The following SMC3 variants were observed in gnomAD, a reference collection of about 807,000 sequenced individuals.
The protein encoded by SMC3 is structural maintenance of chromosomes protein 3.
SMC3 carries 20 observed loss-of-function variants against 171.8 expected under a neutral mutation model. The ratio of observed to expected loss-of-function variants is 0.12; its 90% CI spans 0.08 to 0.17. The LOEUF (loss-of-function observed/expected upper bound fraction) is 0.17, where lower values mean the gene tolerates loss of function less well. Ranked by LOEUF, SMC3 falls within the 10% of genes least tolerant of loss-of-function variation. SMC3 has a pLI of 1.00. For missense variants in SMC3, 543 were observed against 1,420.4 expected, an observed-to-expected ratio of 0.38 and a Z score of 9.93; for synonymous variants, 464 against 451.1, an observed-to-expected ratio of 1.03 and a Z score of -0.36.
intron 28 of SMC3, 92 bp from the exon 29 acceptor site, chr10:110,604,129 AAAATGTAGTT>A (rs1057476172): frequency 6.1e-6 from 4 of 652,934 alleles, no homozygotes; most frequent in Middle Eastern, 3.7e-4. Flanking sequence ...TAAAAATTAA[AAAATGTAGTT>A]AAATGTAGTT....
chr10:110,570,285 G>A (rs145086597), intron 2 of SMC3, among the ~76,000 whole-genome samples: 3 of 152,338 alleles, frequency 2.0e-5, no homozygotes, highest in Middle Eastern at 3.4e-3. Flanking sequence ...TCTGTGGTGC[G>A]TGGGTGAGAT....
rs1486969377 is a variant in SMC3 at position 110,604,794 on chromosome 10, T to G, written c.*492T>G. ...TATTGAGGGTTAGGACTTCAACATG[T>G]GAGTTTGGGAAGGGAAGCACAAAAT... On this transcript the variant is annotated 3_prime_UTR_variant, in exon 29 of 29. Transcript: ENST00000361804. 6.6e-6 allele frequency among the ~76,000 whole-genome samples: 1 copy of G among 152,176 alleles called. No homozygotes were observed. Among genetic ancestry groups the G allele is most frequent in the Non-Finnish European group, 1.5e-5 (1 of 68,006 alleles).
chr10:110,567,765 G>T lies in SMC3; in HGVS notation c.-52G>T, dbSNP rs1860794140. The stretch of plus-strand genomic sequence containing the variant: ...AGGCGCCTCACCTGACCCTGCGGCC[G>T]TGCGGTTGCTGCTCCGGGGCAGGTC... On this transcript the variant is annotated 5_prime_UTR_variant, in exon 1 of 29. Coordinates refer to ENST00000361804, the MANE Select transcript of SMC3 (RefSeq NM_005445.4). 4.3e-6 allele frequency: 7 copies of T among 1,611,450 alleles called. No individual in the cohort carries two copies. The highest frequency in any genetic ancestry group is 1.3e-5 in the African/African-American group (1 of 75,010).
chr10:110,592,893 C>A (rs574381426), intron 17 of SMC3, among the ~76,000 whole-genome samples, 180 bp from the exon 18 acceptor site: 1 of 152,292 alleles, frequency 6.6e-6, no homozygotes, highest in East Asian at 1.9e-4. Context: ...ATTACAAGAG[C>A]AAAATTACCA....
At chr10:110,592,622 CTATTTA>C (rs1381239662) in intron 17 of SMC3, among the ~76,000 whole-genome samples, 8 of 152,170 alleles carry the variant, frequency 5.3e-5, no homozygotes, top group Non-Finnish European at 7.4e-5. Context: ...TGAGGAAGTA[CTATTTA>C]TATTTAGCCC....
rs533106740 is a variant in SMC3, at chr10:110,582,656, C to T, written c.804+14C>T. The stretch of plus-strand genomic sequence containing the variant: ...GATAAAATGGAGGTAAGATTATAAA[C>T]AAGGTTCATGTTAACTTACTTTTTA... On this transcript the variant is annotated intron_variant, in intron 10 of 28. Coordinates refer to ENST00000361804, the MANE Select transcript of SMC3 (RefSeq NM_005445.4). The T allele has an allele frequency of 6.3e-7, 1 of 1,588,020 alleles. No individual in the cohort carries two copies. Among genetic ancestry groups the T allele is most frequent in the East Asian group, 2.2e-5 (1 of 44,690 alleles).
chr10:110,571,564 G>C (rs1860872785), intron 2 of SMC3, among the ~76,000 whole-genome samples: 1 of 152,190 alleles, frequency 6.6e-6, no homozygotes, highest in African/African-American at 2.4e-5. Context: ...TAGTCAGGGA[G>C]TTATAGCCTC....
chr10:110,599,863 G>A, intron 21 of SMC3, 51 bp downstream of exon 21: 1 of 1,543,044 alleles, frequency 6.5e-7, no homozygotes, highest in Non-Finnish European at 9.0e-7. Flanking sequence ...TGGCTATTGT[G>A]AAAAGGGCCT....
At chr10:110,597,692 C>T (rs1590567548) in intron 19 of SMC3, among the ~76,000 whole-genome samples, 2 of 152,184 alleles carry the variant, frequency 1.3e-5, no homozygotes, top group Non-Finnish European at 1.5e-5. Flanking sequence ...CAGTGTATAC[C>T]AGCTGTCTTC....
rs1005425864 is a variant in SMC3 at position 110,605,217 on chromosome 10, G to A, written c.*915G>A. ...TGTACTTGCCAGGTTTCTTTGTTGT[G>A]AAGTTACATTTTTTTCCCTTTCCAT... is the stretch of plus-strand genomic sequence containing the variant. On this transcript the variant is annotated 3_prime_UTR_variant, in exon 29 of 29. Transcript: ENST00000361804. 3.3e-5 allele frequency among the ~76,000 whole-genome samples: 5 copies of A among 152,090 alleles called. No homozygotes were observed. Among genetic ancestry groups the A allele is most frequent in the African/African-American group, 9.7e-5 (4 of 41,434 alleles).
intron 19 of SMC3, among the ~76,000 whole-genome samples, chr10:110,597,506 A>G (rs1338546003): frequency 2.6e-5 from 4 of 152,224 alleles, no homozygotes; most frequent in African/African-American, 9.7e-5. Flanking sequence ...AATTTTTTTA[A>G]AACTGCAGAT....
chr10:110,578,779 T>C (rs977527828), intron 7 of SMC3, 73 bp downstream of exon 7: 7 of 1,209,836 alleles, frequency 5.8e-6, no homozygotes, highest in South Asian at 1.3e-5. Flanking sequence ...ATTTGGTTTA[T>C]TGATTTGAGT....
intron 17 of SMC3, 86 bp downstream of exon 17, chr10:110,591,218 T>TAGC: frequency 7.8e-7 from 1 of 1,281,834 alleles, no homozygotes. Flanking sequence ...GCCCAGGCAC[T>TAGC]ATACACTGGG....
intron 13 of SMC3, among the ~76,000 whole-genome samples, chr10:110,587,156 C>A (rs185534538): frequency 6.6e-6 from 1 of 152,232 alleles, no homozygotes; most frequent in East Asian, 1.9e-4. Context: ...GGTATCTTGG[C>A]CGTAGCAACT....
At chr10:110,582,238 A>C (rs890270442) in intron 9 of SMC3, 140 bp downstream of exon 9, 1 of 768,532 alleles carries the variant, frequency 1.3e-6, no homozygotes, top group East Asian at 2.6e-5. Context: ...TTAGTCAGCA[A>C]GTTTTTTTAG....
At chr10:110,577,044 C>G (rs1015751425) in intron 4 of SMC3, among the ~76,000 whole-genome samples, 1 of 152,066 alleles carries the variant, frequency 6.6e-6, no homozygotes, top group African/African-American at 2.4e-5. Flanking sequence ...AGTTAAATGT[C>G]CCCAGTCTTG....
At position 110,600,364 on chromosome 10, in the gene SMC3, AGAGGACAGCAAAT is replaced by A. The variant is rs999525699; in HGVS notation, c.2428-71_2428-59del. ...CAGCTCACATGAGCACAAGTACTAG[AGAGGACAGCAAAT>A]GAGCACCATTCCTGTGTGTGAAATG... On this transcript the variant is annotated intron_variant, in intron 21 of 28. Coordinates refer to ENST00000361804, the MANE Select transcript of SMC3 (RefSeq NM_005445.4). 5 of 793,486 alleles carry A rather than the reference AGAGGACAGCAAAT, an allele frequency of 6.3e-6. No individual in the cohort carries two copies. The African/African-American group carries it at 8.5e-5, about 13-fold the overall frequency. 49.2% of individuals were successfully genotyped at this position (793,486 alleles called of 1,614,324 possible).
intron 9 of SMC3, 28 bp downstream of exon 9, chr10:110,582,126 AT>A: frequency 6.3e-7 from 1 of 1,580,624 alleles, no homozygotes; most frequent in Non-Finnish European, 8.7e-7. Flanking sequence ...GACACTTAAA[AT>A]CAGATTAATT....
chr10:110,588,907 T>A (rs1454140801), intron 13 of SMC3, among the ~76,000 whole-genome samples: 1 of 152,128 alleles, frequency 6.6e-6, no homozygotes, highest in Non-Finnish European at 1.5e-5. Context: ...GAGGGGGCAG[T>A]ATGAAAGTAT....
Sources: allele counts gnomAD v4.1 joint callset (sites outside exome capture counted in the v4.1 genomes callset), GRCh38; gene constraint gnomAD v4.1.1; transcripts MANE v1.5; gene names NCBI Gene and HGNC (gene_info 2026-07-23, HGNC 2026-07-21).